The following CRACD variants were observed in gnomAD, a reference collection of about 807,000 sequenced individuals.
The protein encoded by CRACD is capping protein-inhibiting regulator of actin dynamics.
In CRACD, 56 loss-of-function variants were observed where a neutral mutation model predicts 106.8. That is an observed-to-expected ratio of 0.52 (90% CI 0.42 to 0.66). CRACD has a LOEUF of 0.66. Ranked by LOEUF, CRACD falls within the 30% of genes least tolerant of loss-of-function variation. The pLI is 0.00. For missense variants in CRACD, 1,730 were observed against 1,623.2 expected (o/e 1.07, Z -1.13); for synonymous variants, 754 against 670.8 (o/e 1.12, Z -1.92).
chr4:56,265,850 A>T (rs771820608), intron 2 of CRACD, among the ~76,000 whole-genome samples: 2 of 152,210 alleles, frequency 1.3e-5, no homozygotes, highest in Non-Finnish European at 2.9e-5. Flanking sequence ...TAGAAATCCA[A>T]TGCAGAGGAA....
chr4:56,098,385 G>A (rs1442180556), intron 1 of CRACD, among the ~76,000 whole-genome samples: 1 of 152,050 alleles, frequency 6.6e-6, no homozygotes, highest in South Asian at 2.1e-4. Flanking sequence ...TATGCGATAG[G>A]TAAGTCTAAT....
rs907846117 is a variant in CRACD at position 56,102,350 on chromosome 4, C to T, written c.-336+53051C>T. On this transcript the variant is annotated intron_variant, in intron 1 of 10. Coordinates refer to ENST00000682029, the MANE Select transcript of CRACD (RefSeq NM_001393381.1). ...GGTTTTTTAAAGTTTGTCTTTTTTC[C>T]GTTCTAATCAGAGCCAGCATGGATG... Among the ~76,000 whole-genome samples the T allele has an allele frequency of 2.6e-5, 4 of 151,926 alleles. No homozygotes were observed. The East Asian group carries it at 5.8e-4, about 22-fold the overall frequency.
chr4:56,077,227 G>C (rs553214009), intron 1 of CRACD, among the ~76,000 whole-genome samples: 1 of 152,296 alleles, frequency 6.6e-6, no homozygotes, highest in East Asian at 1.9e-4. Context: ...ACTCTTTACA[G>C]GGTGGCAGCA....
intron 1 of CRACD, among the ~76,000 whole-genome samples, chr4:56,101,690 C>T (rs1378975795): frequency 6.9e-6 from 1 of 145,312 alleles, no homozygotes; most frequent in East Asian, 2.0e-4. Flanking sequence ...TTGAACCCAG[C>T]AGGTAGAGTT....
At chr4:56,293,989 G>T (rs1244928481) in intron 3 of CRACD, among the ~76,000 whole-genome samples, 2 of 152,162 alleles carry the variant, frequency 1.3e-5, no homozygotes, top group Non-Finnish European at 2.9e-5. Context: ...CACTTTGGGA[G>T]GCTAAGGTGG....
rs777489120 is a variant in CRACD at position 56,315,584 on chromosome 4, T to C, written c.2082T>C (p.Gly694=). Residue 694 remains glycine (G), a synonymous_variant, in exon 8 of 11, where the codon GGT becomes GGC. Transcript: ENST00000682029. This position sits in a 1 kb window ranked among gnomAD's most constrained non-coding sequence, Gnocchi z 4.1. ...RSSERDQLRP[G]DESTPRGRCD... ...GCGAGAGGGACCAGTTGAGGCCCGG[T>C]GATGAGTCCACTCCCAGGGGCCGGT... 27 of 1,613,982 alleles carry C rather than the reference T, an allele frequency of 1.7e-5. No individual in the cohort carries two copies. The East Asian group carries it at 5.6e-4, about 33-fold the overall frequency.
At chr4:56,069,307 G>A (rs1241369969) in intron 1 of CRACD, among the ~76,000 whole-genome samples, 1 of 152,242 alleles carries the variant, frequency 6.6e-6, no homozygotes, top group Non-Finnish European at 1.5e-5. Context: ...GAAATGACAA[G>A]TGAGCTTGGA....
chr4:56,066,814 C>T (rs1732480319), intron 1 of CRACD, among the ~76,000 whole-genome samples: 1 of 152,030 alleles, frequency 6.6e-6, no homozygotes, highest in Non-Finnish European at 1.5e-5. Flanking sequence ...AAATAGCCTG[C>T]TGAATCCTGC....
chr4:56,180,123 C>T (rs1005828613), intron 2 of CRACD, among the ~76,000 whole-genome samples: 3 of 152,024 alleles, frequency 2.0e-5, no homozygotes, highest in African/African-American at 7.2e-5. Context: ...AGAGCTTGGT[C>T]CTGTGAGTTT....
At chr4:56,114,555 T>G (rs958837301) in intron 1 of CRACD, among the ~76,000 whole-genome samples, 5 of 152,092 alleles carry the variant, frequency 3.3e-5, no homozygotes, top group African/African-American at 1.2e-4. Context: ...ATCTATAAAA[T>G]AAATTTCAGA....
chr4:56,097,491 C>T (rs1733637064), intron 1 of CRACD: 2 of 152,586 alleles, frequency 1.3e-5, no homozygotes, highest in Non-Finnish European at 2.9e-5. Flanking sequence ...TGTGACCTGT[C>T]AGTCTAGTTG....
chr4:56,328,695 C>G lies in CRACD; in HGVS notation c.*891C>G. 1 of 203,860 alleles carries G rather than the reference C, an allele frequency of 4.9e-6. No homozygotes were observed. Among genetic ancestry groups the G allele is most frequent in the Non-Finnish European group, 1.0e-5 (1 of 99,594 alleles). The allele number at this position is 203,860 out of a possible 1,614,324, so 12.6% of individuals were successfully genotyped here. On this transcript the variant is annotated 3_prime_UTR_variant, in exon 11 of 11. Coordinates refer to ENST00000682029, the MANE Select transcript of CRACD (RefSeq NM_001393381.1). The stretch of plus-strand genomic sequence containing the variant: ...AGGAATATGTATTCTGGCAAAAACT[C>G]TTCAGGTCAGTTCTGATAGATCCCA...
intron 3 of CRACD, among the ~76,000 whole-genome samples, chr4:56,294,913 C>CAAAAAAAAAAAAAAAAAAAAAA (rs56200534): frequency 1.4e-5 from 1 of 72,166 alleles, no homozygotes; most frequent in Non-Finnish European, 2.5e-5. Flanking sequence ...GACCTTGTCT[C>CAAAAAAAAAAAAAAAAAAAAAA]AAAAAAAAAA....
rs1181772941 is a variant in CRACD at position 56,327,765 on chromosome 4, A to G, written c.3663A>G (p.Lys1221=). ...CCTGGCTGGCTTTGGCCAAAAGGAA[A>G]GCAAAGGCTTGGAGCGACTGTCCAC... ...EPAWLALAKR[K]AKAWSDCPQI... The change falls in exon 11 of 11, where the codon AAA becomes AAG. Residue 1221 remains lysine, a synonymous_variant. Coordinates refer to ENST00000682029, the MANE Select transcript of CRACD (RefSeq NM_001393381.1). The G allele has an allele frequency of 6.2e-7, 1 of 1,614,224 alleles. No homozygotes were observed. Among genetic ancestry groups the G allele is most frequent in the Non-Finnish European group, 8.5e-7 (1 of 1,180,032 alleles).
At chr4:56,172,699 C>T (rs1736423470) in intron 1 of CRACD, among the ~76,000 whole-genome samples, 1 of 152,062 alleles carries the variant, frequency 6.6e-6, no homozygotes, top group Non-Finnish European at 1.5e-5. Flanking sequence ...TCTCGGCTCA[C>T]TGCAACGTCC....
At chr4:56,168,457 A>G (rs989277073) in intron 1 of CRACD, among the ~76,000 whole-genome samples, 1 of 151,920 alleles carries the variant, frequency 6.6e-6, no homozygotes, top group African/African-American at 2.4e-5. Flanking sequence ...TTTTAACTTA[A>G]TGCTTGCATT....
chr4:56,069,291 C>CA (rs1414976111), intron 1 of CRACD, among the ~76,000 whole-genome samples: 1 of 152,164 alleles, frequency 6.6e-6, no homozygotes, highest in African/African-American at 2.4e-5. Flanking sequence ...TTGGCGTGTC[C>CA]ATGTTGAAAT....
intron 2 of CRACD, among the ~76,000 whole-genome samples, chr4:56,271,517 C>T (rs935848612): frequency 2.6e-5 from 4 of 151,724 alleles, no homozygotes; most frequent in African/African-American, 7.3e-5. Context: ...CTAATAAAGG[C>T]CAAAACAGAA....
Position 56,327,879 on chromosome 4 carries a change from T to C in CRACD, c.*75T>C, listed in dbSNP as rs1746560978. ...CCTTTTTATTTATTTATTTTTTATA[T>C]GGGGTAAAGAAATCAAGCTAGGGAA... On this transcript the variant is annotated 3_prime_UTR_variant, in exon 11 of 11. Transcript: ENST00000682029. 7.6e-7 allele frequency: 1 copy of C among 1,313,822 alleles called. No homozygotes were observed. Among genetic ancestry groups the C allele is most frequent in the South Asian group, 1.4e-5 (1 of 71,564 alleles). 81.4% of individuals were successfully genotyped at this position (1,313,822 alleles called of 1,614,324 possible).
Sources: gnomAD v4.1 joint callset for allele counts (sites outside exome capture counted in the v4.1 genomes callset) on GRCh38, gnomAD v4.1.1 for gene constraint, Gnocchi (gnomAD v3.1) non-coding constraint, MANE v1.5 for transcripts, NCBI Gene and HGNC (gene_info 2026-07-23, HGNC 2026-07-21) for gene names.